MYO3B: variants seen among roughly 807,000 people sequenced by gnomAD.
MYO3B encodes myosin-IIIb.
In MYO3B, 156 loss-of-function variants were observed where a neutral mutation model predicts 174.6. The observed-to-expected ratio is 0.89, with a 90% CI of 0.78 to 1.02. The LOEUF (loss-of-function observed/expected upper bound fraction) is 1.02. Ranked by LOEUF, MYO3B falls within the 50% of genes least tolerant of loss-of-function variation. MYO3B has a pLI of 0.00. For synonymous variants in MYO3B, 563 were observed against 569.1 expected (o/e 0.99, Z 0.15); for missense variants, 1,632 against 1,639.4 (o/e 1.00, Z 0.08).
intron 7 of MYO3B, among the ~76,000 whole-genome samples, chr2:170,332,515 C>T (rs1038848115): frequency 6.6e-5 from 10 of 152,088 alleles, no homozygotes; most frequent in African/African-American, 2.4e-4. Flanking sequence ...TATTGCCAGT[C>T]CAAACAAAGT....
chr2:170,292,508 C>T (rs2093602517), intron 7 of MYO3B, among the ~76,000 whole-genome samples: 3 of 152,060 alleles, frequency 2.0e-5, no homozygotes. Context: ...CTTTGAAGGA[C>T]TAGCTATTTA....
At chr2:170,283,046 G>A (rs1377929129) in intron 7 of MYO3B, among the ~76,000 whole-genome samples, 1 of 152,220 alleles carries the variant, frequency 6.6e-6, no homozygotes, top group Non-Finnish European at 1.5e-5. Context: ...AGGCAGAGAT[G>A]CAGAGGCTGT....
At chr2:170,243,834 A>G (rs1401506108) in intron 7 of MYO3B, among the ~76,000 whole-genome samples, 1 of 152,210 alleles carries the variant, frequency 6.6e-6, no homozygotes, top group Admixed American at 6.5e-5. Context: ...TTAAGAGAGA[A>G]TGAAGGCTGA....
chr2:170,498,781 C>A (rs1028367918), intron 26 of MYO3B, 78 bp downstream of exon 26: 7 of 914,372 alleles, frequency 7.7e-6, no homozygotes, highest in Middle Eastern at 4.3e-4. Flanking sequence ...GCATGAATGG[C>A]TCTGTAAGTT....
intron 32 of MYO3B, among the ~76,000 whole-genome samples, chr2:170,648,323 A>G (rs1451717639): frequency 1.3e-5 from 2 of 152,114 alleles, no homozygotes; most frequent in African/African-American, 4.8e-5. Flanking sequence ...TTGTTTTGCT[A>G]TGCTAATTAA....
At chr2:170,412,007 A>T (rs139655352) in intron 22 of MYO3B, 1 of 152,370 alleles carries the variant, frequency 6.6e-6, no homozygotes, top group Non-Finnish European at 1.5e-5. Flanking sequence ...TGTTCTTTGT[A>T]ATACTTCCTA....
intron 32 of MYO3B, among the ~76,000 whole-genome samples, chr2:170,545,954 C>G (rs574980000): frequency 6.6e-6 from 1 of 152,190 alleles, no homozygotes; most frequent in East Asian, 1.9e-4. Flanking sequence ...GCATGACCTT[C>G]AAGGCTTTCT....
chr2:170,340,478 A>G (rs140247597), intron 8 of MYO3B: 68 of 152,316 alleles, frequency 4.5e-4, no homozygotes, highest in African/African-American at 1.6e-3. Context: ...TGTGAGGTTA[A>G]TGGCTGACAT....
intron 25 of MYO3B, among the ~76,000 whole-genome samples, chr2:170,484,118 AGAGAGAGATG>A (rs1685877695): frequency 6.6e-6 from 1 of 152,210 alleles, no homozygotes; most frequent in Non-Finnish European, 1.5e-5. Context: ...AAAGGGAAGA[AGAGAGAGATG>A]GACATTTATT....
At chr2:170,199,426 G>C (rs1366305638) in intron 2 of MYO3B, 35 bp downstream of exon 2, 9 of 1,504,168 alleles carry the variant, frequency 6.0e-6, no homozygotes, top group African/African-American at 1.4e-5. Context: ...CCAGAATTTG[G>C]TGTTTTATGC....
At position 170,199,308 on chromosome 2, in the gene MYO3B, A is replaced by G. The variant is rs1298497906; in HGVS notation, c.103A>G (p.Lys35Glu). 6.2e-7 allele frequency: 1 copy of G among 1,613,418 alleles called. No individual in the cohort carries two copies. ...CTGGGAAATTATAGAGACCATTGGT[A>G]AAGGCACCTATGGCAAAGTCTACAA... ...DTWEIIETIG[K>E]GTYGKVYKVT... The change falls in exon 2 of 35, where the codon AAA becomes GAA. Residue 35 changes from lysine to glutamate, a missense_variant. By Grantham distance (56) the Lys-to-Glu change is moderately conservative. Transcript: ENST00000408978.
chr2:170,218,094 T>A (rs550242690), intron 6 of MYO3B, among the ~76,000 whole-genome samples: 1 of 152,318 alleles, frequency 6.6e-6, no homozygotes, highest in African/African-American at 2.4e-5. Context: ...ACTCAGATGG[T>A]CACCTCCTTA....
intron 18 of MYO3B, 69 bp from the exon 19 acceptor site, chr2:170,402,779 C>G: frequency 6.8e-7 from 1 of 1,461,194 alleles, no homozygotes; most frequent in Non-Finnish European, 9.2e-7. Flanking sequence ...CACTTGGGCA[C>G]ATATATTCTC....
At chr2:170,273,971 A>C (rs904369988) in intron 7 of MYO3B, among the ~76,000 whole-genome samples, 2 of 152,130 alleles carry the variant, frequency 1.3e-5, no homozygotes, top group Admixed American at 6.6e-5. Context: ...TGGAAATTTT[A>C]ACTGAGACAT....
intron 18 of MYO3B, 119 bp from the exon 19 acceptor site, chr2:170,402,729 C>A: frequency 1.1e-6 from 1 of 917,930 alleles, no homozygotes; most frequent in Non-Finnish European, 1.5e-6. Context: ...CAGGATGCTG[C>A]TTTCCATGAG....
Position 170,185,799 on chromosome 2 carries a change from T to C in MYO3B, c.2+7510T>C, listed in dbSNP as rs182105667. ...AACATAGAATATCTTTCCCTTTTCA[T>C]GTGTGTCCTGTTCAATTTCTTTCAT... On this transcript the variant is annotated intron_variant, in intron 1 of 34. Transcript: ENST00000408978. Among the ~76,000 whole-genome samples, 468 of 152,292 alleles carry C rather than the reference T, an allele frequency of 3.1e-3. 2 individuals carry two copies. The highest frequency in any genetic ancestry group is 0.01 in the African/African-American group (430 of 41,584).
At chr2:170,448,282 A>T (rs1187890261) in intron 23 of MYO3B, among the ~76,000 whole-genome samples, 1 of 152,250 alleles carries the variant, frequency 6.6e-6, no homozygotes, top group African/African-American at 2.4e-5. Context: ...GGAGGTTAGA[A>T]GGAAGATGGA....
At chr2:170,193,569 C>T (rs1353737482) in intron 1 of MYO3B, among the ~76,000 whole-genome samples, 7 of 152,062 alleles carry the variant, frequency 4.6e-5, no homozygotes, top group Non-Finnish European at 7.4e-5. Flanking sequence ...CACCTCCACT[C>T]GTCCTCTCTT....
In MYO3B at chr2:170,383,188, A is replaced by G. The variant is rs1316210505; in HGVS notation, c.1184A>G (p.Gln395Arg). The change falls in exon 11 of 35, where the codon CAG (glutamine) becomes CGG (arginine). Residue 395 changes from glutamine to arginine, a missense_variant and splice_region_variant. Transcript: ENST00000408978. ...CAGAATCTAAGCATATACTCTCCAC[A>G]GGTAAGGGATGTTTTAAGAGCATAC... ...PFQNLSIYSP[Q>R]FSRLYHGVKR... 1 of 1,566,102 alleles carries G rather than the reference A, an allele frequency of 6.4e-7. No individual in the cohort carries two copies.
Sources: allele counts gnomAD v4.1 joint callset (sites outside exome capture counted in the v4.1 genomes callset), GRCh38; gene constraint gnomAD v4.1.1; transcripts MANE v1.5; gene names NCBI Gene and HGNC (gene_info 2026-07-23, HGNC 2026-07-21).